ATRNL1: variants seen among roughly 807,000 people sequenced by gnomAD.
The protein encoded by ATRNL1 is attractin-like protein 1.
A neutral mutation model predicts 182.7 loss-of-function variants in ATRNL1; 95 were observed. That is an observed-to-expected ratio of 0.52 (90% confidence interval 0.44 to 0.62). ATRNL1 has a LOEUF of 0.62. Among genes scored for constraint, ATRNL1 ranks in the 20% least tolerant of loss-of-function variants. The pLI is 0.00. For missense variants in ATRNL1, 1,471 were observed against 1,679.5 expected, an observed-to-expected ratio of 0.88 and a Z score of 2.17; for synonymous variants, 576 against 568.3, an observed-to-expected ratio of 1.01 and a Z score of -0.19.
rs139989685 is a variant in ATRNL1 at position 115,163,271 on chromosome 10, T to C, written c.1005-2287T>C. On this transcript the variant is annotated intron_variant, in intron 6 of 28. Transcript: ENST00000355044. Reference sequence around the variant, plus strand: ...CAGGGCCTGGAAACTAAGAATTTTTTCTTAGCGTTTTTAGTTTTTGCTTTT... The same window carrying C: ...CAGGGCCTGGAAACTAAGAATTTTTCCTTAGCGTTTTTAGTTTTTGCTTTT... Among the ~76,000 whole-genome samples, 742 of 152,106 alleles carry C rather than the reference T, an allele frequency of 4.9e-3. 4 individuals carry two copies. Among genetic ancestry groups the C allele is most frequent in the African/African-American group, 0.016 (655 of 41,544 alleles).
intron 28 of ATRNL1, among the ~76,000 whole-genome samples, chr10:115,912,927 C>T (rs1565481830): frequency 6.6e-6 from 1 of 152,252 alleles, no homozygotes; most frequent in South Asian, 2.1e-4. Flanking sequence ...ACCGTGTGGC[C>T]ATGGCAAAGT....
At chr10:115,734,455 C>A (rs190713232) in intron 27 of ATRNL1, among the ~76,000 whole-genome samples, 202 of 151,872 alleles carry the variant, frequency 1.3e-3, no homozygotes, top group Middle Eastern at 6.9e-3. Flanking sequence ...TGTATTTTTC[C>A]TAGATGTTCA....
intron 15 of ATRNL1, 22 bp downstream of exon 15, chr10:115,286,419 A>T (rs1222998791): frequency 5.0e-6 from 7 of 1,392,404 alleles, no homozygotes; most frequent in Non-Finnish European, 5.8e-6. Flanking sequence ...ACTTGTTTAC[A>T]TTATGGAAAT....
chr10:115,287,963 A>G (rs1554919632), intron 15 of ATRNL1, among the ~76,000 whole-genome samples: 1 of 137,668 alleles, frequency 7.3e-6, no homozygotes, highest in Non-Finnish European at 1.5e-5. Flanking sequence ...CCACTTATGA[A>G]TGAGAACACA....
rs572692587 is a variant in ATRNL1, at chr10:115,511,118, GTTTTA to G, written c.3655-8140_3655-8136del. Reference sequence around the variant, plus strand: ...TCCTCATGTTTTATTCCAGAAATATGTTTTATTTTGTCTTTTACAATTGTCTATTT... The same window carrying G: ...TCCTCATGTTTTATTCCAGAAATATGTTTTGTCTTTTACAATTGTCTATTT... On this transcript the variant is annotated intron_variant, in intron 24 of 28. Coordinates refer to ENST00000355044, the MANE Select transcript of ATRNL1 (RefSeq NM_207303.4). Among the ~76,000 whole-genome samples, 1,137 of 151,850 alleles carry G rather than the reference GTTTTA, an allele frequency of 7.5e-3. 8 individuals carry two copies. Among genetic ancestry groups the G allele is most frequent in the Non-Finnish European group, 0.011 (729 of 67,850 alleles).
chr10:115,619,343 T>C (rs1857600540), intron 26 of ATRNL1, among the ~76,000 whole-genome samples: 1 of 152,190 alleles, frequency 6.6e-6, no homozygotes, highest in Non-Finnish European at 1.5e-5. Flanking sequence ...CTGTGAGCCC[T>C]GTGCAGGCTG....
intron 26 of ATRNL1, among the ~76,000 whole-genome samples, chr10:115,582,393 C>G (rs1400167669): frequency 7.1e-6 from 1 of 140,670 alleles, no homozygotes; most frequent in African/African-American, 2.6e-5. Flanking sequence ...TCTCCACATC[C>G]TCTCCAGCAC....
chr10:115,723,420 T>A (rs1219209921), intron 26 of ATRNL1, among the ~76,000 whole-genome samples: 3 of 152,202 alleles, frequency 2.0e-5, no homozygotes, highest in Non-Finnish European at 4.4e-5. Context: ...GTTTGGGGAA[T>A]GATACCGTAT....
intron 13 of ATRNL1, among the ~76,000 whole-genome samples, chr10:115,269,272 A>T (rs568445004): frequency 7.9e-4 from 120 of 152,346 alleles, no homozygotes; most frequent in Middle Eastern, 3.4e-3. Context: ...TATGTAGAAG[A>T]TATCAACAAA....
chr10:115,847,757 A>T (rs1241893806), intron 27 of ATRNL1, 120 bp from the exon 28 acceptor site: 2 of 642,416 alleles, frequency 3.1e-6, no homozygotes, highest in African/African-American at 3.6e-5. Context: ...AAAATAACAC[A>T]TGGTGTGTCC....
chr10:115,357,073 A>G (rs1856536754), intron 19 of ATRNL1, among the ~76,000 whole-genome samples: 1 of 151,946 alleles, frequency 6.6e-6, no homozygotes, highest in Non-Finnish European at 1.5e-5. Context: ...GGTTTGCATT[A>G]CAAGAATATG....
chr10:115,276,231 T>A (rs1554914814), intron 13 of ATRNL1, among the ~76,000 whole-genome samples: 1 of 152,174 alleles, frequency 6.6e-6, no homozygotes, highest in Non-Finnish European at 1.5e-5. Flanking sequence ...TCCACCATTA[T>A]GATTAAATTA....
intron 28 of ATRNL1, among the ~76,000 whole-genome samples, chr10:115,931,434 A>G (rs1365913607): frequency 3.3e-5 from 5 of 152,164 alleles, no homozygotes; most frequent in African/African-American, 7.2e-5. Flanking sequence ...ATGGGAACTC[A>G]TGTACCATTG....
chr10:115,730,319 G>A (rs1947758119), intron 27 of ATRNL1, among the ~76,000 whole-genome samples: 1 of 142,106 alleles, frequency 7.0e-6, no homozygotes, highest in African/African-American at 2.6e-5. Flanking sequence ...CATTATCTTT[G>A]AGAACCTAAA....
At chr10:115,377,729 C>A (rs577956757) in intron 19 of ATRNL1, among the ~76,000 whole-genome samples, 1 of 152,070 alleles carries the variant, frequency 6.6e-6, no homozygotes, top group Non-Finnish European at 1.5e-5. Flanking sequence ...CCTGTTGGGT[C>A]CTTGGGCTGA....
At chr10:115,596,628 G>T (rs1592920894) in intron 26 of ATRNL1, among the ~76,000 whole-genome samples, 1 of 152,260 alleles carries the variant, frequency 6.6e-6, no homozygotes, top group East Asian at 1.9e-4. Context: ...GAGCTGAAGG[G>T]CGTGTTTAGT....
chr10:115,734,432 G>A (rs1947890482), intron 27 of ATRNL1, among the ~76,000 whole-genome samples: 2 of 151,648 alleles, frequency 1.3e-5, no homozygotes, highest in Non-Finnish European at 2.9e-5. Context: ...TTTTTGTATT[G>A]TCTGTAACCA....
At chr10:115,155,702 G>A (rs1157739182) in intron 5 of ATRNL1, among the ~76,000 whole-genome samples, 1 of 152,082 alleles carries the variant, frequency 6.6e-6, no homozygotes, top group Non-Finnish European at 1.5e-5. Context: ...ACTTTTCATT[G>A]TATTTTATTA....
At chr10:115,769,691 G>A (rs564448801) in intron 27 of ATRNL1, among the ~76,000 whole-genome samples, 25 of 152,056 alleles carry the variant, frequency 1.6e-4, no homozygotes, top group African/African-American at 4.1e-4. Flanking sequence ...GGCTGATTTC[G>A]GCCAAATTAC....
Sources: allele counts gnomAD v4.1 joint callset (sites outside exome capture counted in the v4.1 genomes callset), GRCh38; gene constraint gnomAD v4.1.1; transcripts MANE v1.5; gene names NCBI Gene and HGNC (gene_info 2026-07-23, HGNC 2026-07-21).